Variants in FRK observed in about 807,000 individuals in gnomAD.
FRK encodes fyn related Src family tyrosine kinase.
Under a neutral mutation model 56.4 loss-of-function variants are expected in FRK, and 51 were observed. The observed-to-expected ratio is 0.90, with a 90% CI of 0.72 to 1.14. FRK has a LOEUF of 1.14. Ranked by LOEUF, FRK falls within the 50% of genes most tolerant of loss-of-function variation. The pLI is 0.00. For missense variants in FRK, 570 were observed against 601.4 expected, an observed-to-expected ratio of 0.95 and a Z score of 0.55; for synonymous variants, 245 against 217.9, an observed-to-expected ratio of 1.12 and a Z score of -1.10.
At chr6:116,020,667 C>T (rs1775843249) in intron 1 of FRK, among the ~76,000 whole-genome samples, 1 of 152,188 alleles carries the variant, frequency 6.6e-6, no homozygotes, top group South Asian at 2.1e-4. Flanking sequence ...CTCCAAATTA[C>T]ATATTCTATA....
chr6:116,039,602 C>T (rs948599469), intron 1 of FRK: 3 of 776,404 alleles, frequency 3.9e-6, no homozygotes, highest in Admixed American at 1.7e-5. Context: ...TCATCTGCCC[C>T]CTCTTGCGGC....
upstream of FRK, among the ~76,000 whole-genome samples, chr6:116,063,677 T>C (rs909062598): frequency 6.6e-6 from 1 of 152,146 alleles, no homozygotes; most frequent in African/African-American, 2.4e-5. Context: ...GAGTCAATAA[T>C]TCTACACTGT....
At chr6:116,049,963 T>C (rs1777125930) in intron 1 of FRK, among the ~76,000 whole-genome samples, 1 of 152,210 alleles carries the variant, frequency 6.6e-6, no homozygotes. Context: ...CTTCTATCTC[T>C]GCACTCATTC....
intron 2 of FRK, among the ~76,000 whole-genome samples, chr6:115,980,403 G>A (rs12213667): frequency 0.17 from 25,974 of 151,782 alleles, 3,074 homozygotes; most frequent in Middle Eastern, 0.3. Flanking sequence ...AATATCATAC[G>A]GAAACATGAG....
the FRK span, among the ~76,000 whole-genome samples, chr6:116,083,514 G>A: frequency 6.6e-6 from 1 of 152,152 alleles, no homozygotes; most frequent in African/African-American, 2.4e-5. Context: ...TAAGTGAAGG[G>A]TTAGCTTTAC....
At chr6:116,017,565 T>C (rs1257608062) in intron 1 of FRK, among the ~76,000 whole-genome samples, 2 of 152,208 alleles carry the variant, frequency 1.3e-5, no homozygotes, top group Non-Finnish European at 2.9e-5. Flanking sequence ...GTTTAATTTG[T>C]CGAGGTTTTT....
rs1771996390 is a variant in FRK, at chr6:115,933,708, G to A, written c.*8706C>T. The stretch of plus-strand genomic sequence containing the variant: ...AATATTTCTATTCATTTCTATATGT[G>A]CGCAAGAAAAATTAAACATGAAATG... On this transcript the variant is annotated 3_prime_UTR_variant, in exon 8 of 8. Transcript: ENST00000606080. 6.6e-6 allele frequency: 1 copy of A among 152,016 alleles called. No homozygotes were observed. The highest frequency in any genetic ancestry group is 1.5e-5 in the Non-Finnish European group (1 of 67,998). 9.4% of individuals were successfully genotyped at this position (152,016 alleles called of 1,614,324 possible). A position where few individuals can be genotyped will look rare whatever the true frequency, so the allele number is the denominator to read the frequency against.
At chr6:115,946,623 C>T (rs1172235985) in intron 5 of FRK, among the ~76,000 whole-genome samples, 2 of 151,890 alleles carry the variant, frequency 1.3e-5, no homozygotes, top group East Asian at 1.9e-4. Context: ...ATAGATTTAA[C>T]GATCATAAGT....
intron 5 of FRK, among the ~76,000 whole-genome samples, chr6:115,955,971 C>A (rs1364355810): frequency 6.6e-6 from 1 of 152,132 alleles, no homozygotes; most frequent in Admixed American, 6.5e-5. Flanking sequence ...TCTTATGTTG[C>A]CTAGCAGTGG....
intron 5 of FRK, among the ~76,000 whole-genome samples, chr6:115,952,816 G>C (rs1379703694): frequency 6.6e-6 from 1 of 151,054 alleles, no homozygotes; most frequent in Non-Finnish European, 1.5e-5. Flanking sequence ...GTAAACCATC[G>C]CAAGGACAAA....
chr6:116,029,606 T>C (rs1776225378), intron 1 of FRK, among the ~76,000 whole-genome samples: 1 of 152,166 alleles, frequency 6.6e-6, no homozygotes, highest in Non-Finnish European at 1.5e-5. Context: ...TATTGTTCTA[T>C]TGCATAAAGT....
chr6:115,947,293 AT>A (rs926975604), intron 5 of FRK, among the ~76,000 whole-genome samples: 4 of 150,562 alleles, frequency 2.7e-5, no homozygotes, highest in South Asian at 2.1e-4. Flanking sequence ...AGTCAAAAGA[AT>A]TTTTTAAGGG....
chr6:115,937,137 A>G lies in FRK; in HGVS notation c.*5277T>C, dbSNP rs1199568342. The G allele has an allele frequency of 6.6e-6, 1 of 152,198 alleles. No individual in the cohort carries two copies. Among genetic ancestry groups the G allele is most frequent in the Admixed American group, 6.5e-5 (1 of 15,278 alleles). The allele number at this position is 152,198 out of a possible 1,614,324, so 9.4% of individuals were successfully genotyped here. On this transcript the variant is annotated 3_prime_UTR_variant, in exon 8 of 8. Coordinates refer to ENST00000606080, the MANE Select transcript of FRK (RefSeq NM_002031.3). Reference sequence around the variant, plus strand: ...ACTAACAGAGGATCTCTCTGCAGACACCTTACAAGCCAGAATAGAGTAGGG... The same window carrying G: ...ACTAACAGAGGATCTCTCTGCAGACGCCTTACAAGCCAGAATAGAGTAGGG...
intron 1 of FRK, among the ~76,000 whole-genome samples, chr6:116,032,752 CAG>C (rs1468795115): frequency 6.6e-6 from 1 of 151,924 alleles, no homozygotes; most frequent in African/African-American, 2.4e-5. Context: ...CTTTGAGATG[CAG>C]AGAGTAATTT....
At chr6:116,068,005 G>A in the FRK span, among the ~76,000 whole-genome samples, 1 of 152,054 alleles carries the variant, frequency 6.6e-6, no homozygotes, top group Non-Finnish European at 1.5e-5. Context: ...TACTTCCTTT[G>A]GCTATAATAC....
At chr6:116,059,218 T>G (rs1490472662) in intron 1 of FRK, among the ~76,000 whole-genome samples, 2 of 152,170 alleles carry the variant, frequency 1.3e-5, no homozygotes, top group African/African-American at 4.8e-5. Flanking sequence ...ATAAAAACTT[T>G]CCTCTTTTGT....
rs547657760 is a variant in FRK at position 116,050,211 on chromosome 6, G to A, written c.344+9757C>T. ...CATCAACTTCAGACGAGGCTACACT[G>A]TGACTATGATGGATCAAGACAAAAA... is the stretch of plus-strand genomic sequence containing the variant. On this transcript the variant is annotated intron_variant, in intron 1 of 7. Coordinates refer to ENST00000606080, the MANE Select transcript of FRK (RefSeq NM_002031.3). 2.0e-5 allele frequency among the ~76,000 whole-genome samples: 3 copies of A among 152,248 alleles called. No homozygotes were observed. In the South Asian group the frequency reaches 6.2e-4, roughly 32 times the overall value.
intron 2 of FRK, among the ~76,000 whole-genome samples, chr6:115,994,338 C>CCCCTTTTT (rs1554230544): frequency 4.4e-5 from 4 of 91,768 alleles, no homozygotes; most frequent in Non-Finnish European, 9.7e-5. Flanking sequence ...CCCCCCCCGC[C>CCCCTTTTT]TTTTTTTTGT....
At chr6:116,075,353 T>C in the FRK span, among the ~76,000 whole-genome samples, 1 of 151,786 alleles carries the variant, frequency 6.6e-6, no homozygotes, top group African/African-American at 2.4e-5. Flanking sequence ...ATTATATGAG[T>C]TAATAGGTAT....
Sources: gnomAD v4.1 joint callset for allele counts (sites outside exome capture counted in the v4.1 genomes callset) on GRCh38, gnomAD v4.1.1 for gene constraint, MANE v1.5 for transcripts, NCBI Gene and HGNC (gene_info 2026-07-23, HGNC 2026-07-21) for gene names.